Variants in COPG2 observed in about 807,000 individuals in gnomAD.
COPG2 encodes the protein coatomer subunit gamma-2.
A neutral mutation model predicts 46.3 loss-of-function variants in COPG2; 37 were observed. The ratio of observed to expected loss-of-function variants is 0.80; its 90% CI spans 0.61 to 1.05. The LOEUF is 1.05. COPG2 is among the 50% of genes least tolerant of loss of function. COPG2 has a pLI of 0.00. For synonymous variants in COPG2, 159 were observed against 129.7 expected (o/e 1.23, Z -1.53); for missense variants, 427 against 387.8 (o/e 1.10, Z -0.85).
chr7:130,652,655 A>G (rs1795771082), intron 5 of COPG2, among the ~76,000 whole-genome samples: 1 of 152,170 alleles, frequency 6.6e-6, no homozygotes, highest in South Asian at 2.1e-4. Flanking sequence ...GATGCACTCA[A>G]ATCTATCAGT....
intron 9 of COPG2, among the ~76,000 whole-genome samples, chr7:130,604,346 G>T (rs1246936971): frequency 1.3e-5 from 2 of 152,088 alleles, no homozygotes; most frequent in Non-Finnish European, 2.9e-5. Flanking sequence ...AATGTTATAT[G>T]CCTCATTTAC....
intron 9 of COPG2, among the ~76,000 whole-genome samples, chr7:130,576,216 T>C (rs1793996642): frequency 1.3e-5 from 2 of 152,120 alleles, no homozygotes; most frequent in South Asian, 2.1e-4. Context: ...TTCGAACAAA[T>C]GGACTTAACA....
intron 5 of COPG2, among the ~76,000 whole-genome samples, chr7:130,643,290 G>A (rs1554457618): frequency 6.8e-6 from 1 of 147,798 alleles, no homozygotes; most frequent in African/African-American, 2.5e-5. Context: ...GCGAGACTGT[G>A]TCTCAAAAAA....
rs1428848089 is a variant in COPG2, at chr7:130,508,546, T to C, written c.2247+16A>G. On this transcript the variant is annotated intron_variant, in intron 21 of 23. Transcript: ENST00000425248. ...GTGAAGGTGTCAAAGAAAGTCTCTA[T>C]GCTGGGAAGACTCACCACATACTCA... The C allele has an allele frequency of 1.3e-6, 1 of 767,132 alleles. No individual in the cohort carries two copies. Among genetic ancestry groups the C allele is most frequent in the Non-Finnish European group, 2.4e-6 (1 of 411,826 alleles). The allele number at this position is 767,132 out of a possible 1,614,324, so 47.5% of individuals were successfully genotyped here. A position where few individuals can be genotyped will look rare whatever the true frequency, so the allele number is the denominator to read the frequency against.
At chr7:130,612,375 G>A in intron 7 of COPG2, 137 bp from the exon 8 acceptor site, 1 of 598,856 alleles carries the variant, frequency 1.7e-6, no homozygotes, top group Non-Finnish European at 2.9e-6. Flanking sequence ...AGTCTATTTT[G>A]TGTCTTTACT....
At chr7:130,511,727 G>A (rs781945271) in intron 20 of COPG2, 10 of 515,688 alleles carry the variant, frequency 1.9e-5, no homozygotes, top group Non-Finnish European at 3.9e-5. Flanking sequence ...CAGAGCAGGT[G>A]TGGAATAAAG....
chr7:130,608,921 T>C (rs1475639553), intron 9 of COPG2, among the ~76,000 whole-genome samples: 1 of 152,062 alleles, frequency 6.6e-6, no homozygotes, highest in Admixed American at 6.6e-5. Context: ...CGGGTTGGAG[T>C]GCAGTGGTGT....
At chr7:130,628,495 T>C (rs1554454639) in intron 5 of COPG2, among the ~76,000 whole-genome samples, 1 of 152,184 alleles carries the variant, frequency 6.6e-6, no homozygotes, top group Non-Finnish European at 1.5e-5. Flanking sequence ...CTTTGTGCAA[T>C]TGTTCTAATA....
intron 20 of COPG2, among the ~76,000 whole-genome samples, chr7:130,546,480 GGA>G (rs1172041870): frequency 1.3e-5 from 2 of 152,156 alleles, no homozygotes; most frequent in African/African-American, 4.8e-5. Context: ...CGAGCTCAAA[GGA>G]GAAATATTGG....
intron 9 of COPG2, 100 bp downstream of exon 9, chr7:130,610,853 A>G (rs1794834302): frequency 2.6e-6 from 3 of 1,147,558 alleles, no homozygotes; most frequent in Non-Finnish European, 1.3e-6. Flanking sequence ...TCATCTGTAA[A>G]GTTAGCACTG....
intron 5 of COPG2, among the ~76,000 whole-genome samples, chr7:130,639,996 T>TCTCAGTGGTAGGTAGGTAGCA (rs1795431914): frequency 6.6e-6 from 1 of 152,112 alleles, no homozygotes; most frequent in Admixed American, 6.6e-5. Flanking sequence ...GTGGTAGGTT[T>TCTCAGTGGTAGGTAGGTAGCA]CTTCCGAGGG....
At chr7:130,606,641 C>T (rs1250452937) in intron 9 of COPG2, among the ~76,000 whole-genome samples, 1 of 152,196 alleles carries the variant, frequency 6.6e-6, no homozygotes, top group African/African-American at 2.4e-5. Flanking sequence ...CCAGTTTTAT[C>T]TTGCTGTTTA....
At chr7:130,627,402 G>A (rs569782337) in intron 5 of COPG2, among the ~76,000 whole-genome samples, 8 of 152,214 alleles carry the variant, frequency 5.3e-5, no homozygotes, top group African/African-American at 1.9e-4. Context: ...ATGCAAGTTA[G>A]CTAACTGCAA....
At chr7:130,521,823 G>A (rs1032339142) in intron 20 of COPG2, among the ~76,000 whole-genome samples, 29 of 152,214 alleles carry the variant, frequency 1.9e-4, no homozygotes, top group African/African-American at 6.5e-4. Flanking sequence ...AGAGTTATAT[G>A]ATTAAAGATG....
chr7:130,619,582 C>A (rs531716370), intron 5 of COPG2, among the ~76,000 whole-genome samples: 1 of 152,158 alleles, frequency 6.6e-6, no homozygotes, highest in Non-Finnish European at 1.5e-5. Flanking sequence ...TATCTTTAAT[C>A]ATAATTTCTA....
intron 5 of COPG2, among the ~76,000 whole-genome samples, chr7:130,644,758 G>A (rs1362017936): frequency 2.0e-5 from 3 of 152,124 alleles, no homozygotes; most frequent in Non-Finnish European, 4.4e-5. Context: ...GTCTTCAGAA[G>A]AGTCTGCTAT....
chr7:130,566,797 A>C (rs973563186), intron 9 of COPG2, among the ~76,000 whole-genome samples: 1 of 152,202 alleles, frequency 6.6e-6, no homozygotes, highest in African/African-American at 2.4e-5. Flanking sequence ...AGAATGTGAT[A>C]AGAAAGTCAG....
At chr7:130,557,387 T>C (rs1171130553) in intron 12 of COPG2, among the ~76,000 whole-genome samples, 2 of 152,240 alleles carry the variant, frequency 1.3e-5, no homozygotes, top group Non-Finnish European at 2.9e-5. Context: ...TCCTTGTTCT[T>C]AGGATGTTCC....
chr7:130,572,297 A>G (rs1179986226), intron 9 of COPG2, among the ~76,000 whole-genome samples: 1 of 152,172 alleles, frequency 6.6e-6, no homozygotes, highest in African/African-American at 2.4e-5. Flanking sequence ...CCACCCAATA[A>G]CTGATAGAAC....
Sources: allele counts gnomAD v4.1 joint callset (sites outside exome capture counted in the v4.1 genomes callset), GRCh38; gene constraint gnomAD v4.1.1; transcripts MANE v1.5; gene names NCBI Gene and HGNC (gene_info 2026-07-23, HGNC 2026-07-21).